The following ZNF804B variants were observed in gnomAD, a reference collection of about 807,000 sequenced individuals.
The protein encoded by ZNF804B is zinc finger protein 804B.
ZNF804B carries 80 observed loss-of-function variants against 101.4 expected under a neutral mutation model. That is an observed-to-expected ratio of 0.79 (90% CI 0.66 to 0.95). ZNF804B has a LOEUF of 0.95. Ranked by LOEUF, ZNF804B falls within the 40% of genes least tolerant of loss-of-function variation. The probability of loss-of-function intolerance (pLI) is 0.00; values close to 1 mark genes in which losing one functional copy is unlikely to be tolerated. For missense variants in ZNF804B, 1,673 were observed against 1,561.9 expected (o/e 1.07, Z -1.20); for synonymous variants, 622 against 558.8 (o/e 1.11, Z -1.59).
At chr7:89,187,839 G>C (rs1258388519) in intron 1 of ZNF804B, among the ~76,000 whole-genome samples, 1 of 152,120 alleles carries the variant, frequency 6.6e-6, no homozygotes, top group Non-Finnish European at 1.5e-5. Flanking sequence ...CACTGTGTTA[G>C]AGTTCAAAAG....
intron 1 of ZNF804B, among the ~76,000 whole-genome samples, chr7:89,192,190 A>G (rs957044589): frequency 2.0e-5 from 3 of 152,118 alleles, no homozygotes; most frequent in African/African-American, 7.2e-5. Flanking sequence ...GCATCCATGC[A>G]TCACTAAAAT....
intron 2 of ZNF804B, among the ~76,000 whole-genome samples, chr7:89,249,103 C>A (rs1789500823): frequency 6.6e-6 from 1 of 150,484 alleles, no homozygotes; most frequent in Admixed American, 6.6e-5. Flanking sequence ...ACTTAACTAT[C>A]CTAAATATAT....
At chr7:88,770,246 T>C (rs1790042767) in intron 1 of ZNF804B, among the ~76,000 whole-genome samples, 1 of 152,142 alleles carries the variant, frequency 6.6e-6, no homozygotes, top group Non-Finnish European at 1.5e-5. Flanking sequence ...TTTCCGGTTA[T>C]GATTGAATTA....
At chr7:88,946,154 C>A (rs537018862) in intron 1 of ZNF804B, among the ~76,000 whole-genome samples, 4 of 152,208 alleles carry the variant, frequency 2.6e-5, no homozygotes, top group African/African-American at 9.6e-5. Context: ...AAGAGAGCAT[C>A]CTTGTCCTGT....
intron 1 of ZNF804B, among the ~76,000 whole-genome samples, chr7:89,052,930 A>G (rs1378370300): frequency 1.3e-5 from 2 of 152,142 alleles, no homozygotes; most frequent in East Asian, 1.9e-4. Context: ...TCTGTCACCT[A>G]GTTAGTGTAA....
intron 1 of ZNF804B, among the ~76,000 whole-genome samples, chr7:89,032,642 T>C (rs1335666276): frequency 1.3e-5 from 2 of 152,096 alleles, no homozygotes; most frequent in African/African-American, 4.8e-5. Flanking sequence ...ACCTGCATCA[T>C]TGGTGAAGGC....
At chr7:89,324,336 G>A (rs1790866039) in intron 2 of ZNF804B, among the ~76,000 whole-genome samples, 1 of 151,788 alleles carries the variant, frequency 6.6e-6, no homozygotes, top group Non-Finnish European at 1.5e-5. Flanking sequence ...CTGTCTTACA[G>A]TGATATGGCC....
chr7:88,765,211 C>A (rs1470632640), intron 1 of ZNF804B, among the ~76,000 whole-genome samples: 3 of 151,950 alleles, frequency 2.0e-5, no homozygotes, highest in Non-Finnish European at 1.5e-5. Context: ...GCTCATATAC[C>A]TTGATTAGTT....
chr7:89,108,793 C>G (rs1222479277), intron 1 of ZNF804B, among the ~76,000 whole-genome samples: 1 of 151,902 alleles, frequency 6.6e-6, no homozygotes, highest in Non-Finnish European at 1.5e-5. Context: ...AAGAAGAGTG[C>G]TCACAAAAAA....
chr7:88,848,488 T>G (rs1252738421), intron 1 of ZNF804B, among the ~76,000 whole-genome samples: 1 of 152,146 alleles, frequency 6.6e-6, no homozygotes, highest in Non-Finnish European at 1.5e-5. Context: ...CCTGGAGTTG[T>G]GCAGTGAGCA....
At chr7:89,212,284 CACACAA>C (rs56791564) in intron 1 of ZNF804B, among the ~76,000 whole-genome samples, 28,643 of 142,584 alleles carry the variant, frequency 0.2, 3,021 homozygotes, top group Non-Finnish European at 0.25. Context: ...CACACACACA[CACACAA>C]ACAGACTGCA....
intron 1 of ZNF804B, among the ~76,000 whole-genome samples, chr7:89,193,428 C>T (rs1788492585): frequency 6.6e-6 from 1 of 151,612 alleles, no homozygotes; most frequent in South Asian, 2.1e-4. Flanking sequence ...CGTCATTTAG[C>T]ATTAGGTATA....
At position 88,835,100 on chromosome 7, in the gene ZNF804B, T is replaced by G. The variant is rs563789607; in HGVS notation, c.108+75016T>G. 5.9e-5 allele frequency among the ~76,000 whole-genome samples: 9 copies of G among 152,028 alleles called. 1 individual carries two copies. The highest frequency in any genetic ancestry group is 2.2e-4 in the African/African-American group (9 of 41,546). On this transcript the variant is annotated intron_variant, in intron 1 of 3. Transcript: ENST00000333190. ...ATTCTATTTTTATATTACTTTAAAA[T>G]TGGAGTTTACACATTGGTAATATTA...
chr7:88,819,878 T>C (rs925353425), intron 1 of ZNF804B, among the ~76,000 whole-genome samples: 1 of 152,094 alleles, frequency 6.6e-6, no homozygotes, highest in Non-Finnish European at 1.5e-5. Context: ...AACTGACCCA[T>C]TTGTATTGGC....
intron 2 of ZNF804B, among the ~76,000 whole-genome samples, chr7:89,243,897 T>G (rs1421988846): frequency 6.6e-6 from 1 of 151,968 alleles, no homozygotes; most frequent in Non-Finnish European, 1.5e-5. Flanking sequence ...TTATTCAGTA[T>G]AAAATGTCAG....
chr7:89,180,514 T>G (rs1178199925), intron 1 of ZNF804B, among the ~76,000 whole-genome samples: 1 of 152,000 alleles, frequency 6.6e-6, no homozygotes, highest in Non-Finnish European at 1.5e-5. Flanking sequence ...GGTCCTTTCT[T>G]TCAAGGCAAT....
rs893269866 is a variant in ZNF804B at position 89,032,193 on chromosome 7, A to G, written c.109-185962A>G. The stretch of plus-strand genomic sequence containing the variant: ...TTGATTTTTTTCCCCCTCAAGTTTT[A>G]TGTCATAGTGATAGGAGCATTTCAA... On this transcript the variant is annotated intron_variant, in intron 1 of 3. Coordinates refer to ENST00000333190, the MANE Select transcript of ZNF804B (RefSeq NM_181646.5). Among the ~76,000 whole-genome samples the G allele has an allele frequency of 4.6e-5, 7 of 151,926 alleles. No individual in the cohort carries two copies. The East Asian group carries it at 1.4e-3, about 29-fold the overall frequency.
chr7:89,300,736 T>C (rs150083530), intron 2 of ZNF804B, among the ~76,000 whole-genome samples: 114 of 152,050 alleles, frequency 7.5e-4, no homozygotes, highest in African/African-American at 2.5e-3. Context: ...TCACAGACCA[T>C]TCCAAAGACC....
chr7:89,024,705 G>A (rs1788722494), intron 1 of ZNF804B, among the ~76,000 whole-genome samples: 1 of 137,808 alleles, frequency 7.3e-6, no homozygotes, highest in African/African-American at 2.7e-5. Context: ...AGAGTATCCA[G>A]TCCTTTAGGT....
Sources: gnomAD v4.1 joint callset for allele counts (sites outside exome capture counted in the v4.1 genomes callset) on GRCh38, gnomAD v4.1.1 for gene constraint, MANE v1.5 for transcripts, NCBI Gene and HGNC (gene_info 2026-07-23, HGNC 2026-07-21) for gene names.